Variants in COL8A1 observed in about 807,000 individuals in gnomAD.
COL8A1 encodes the protein collagen alpha-1(VIII) chain.
COL8A1 carries 21 observed loss-of-function variants against 42.7 expected under a neutral mutation model. The ratio of observed to expected loss-of-function variants is 0.49; its 90% CI spans 0.35 to 0.71. The LOEUF (loss-of-function observed/expected upper bound fraction) is 0.71. COL8A1 is among the 30% of genes least tolerant of loss of function. The pLI is 0.01. For missense variants in COL8A1, 788 were observed against 962.4 expected (o/e 0.82, Z 2.40); for synonymous variants, 367 against 369.1 (o/e 0.99, Z 0.06).
intron 1 of COL8A1, among the ~76,000 whole-genome samples, chr3:99,662,961 G>A (rs1938253795): frequency 6.6e-6 from 1 of 152,022 alleles, no homozygotes; most frequent in South Asian, 2.1e-4. Flanking sequence ...GCATTCTTTC[G>A]ACTTTCTCAA....
intron 1 of COL8A1, among the ~76,000 whole-genome samples, chr3:99,644,391 T>A (rs1414900736): frequency 1.3e-5 from 2 of 152,174 alleles, no homozygotes; most frequent in Non-Finnish European, 2.9e-5. Context: ...TGTTCTCTGC[T>A]AAAATAACAA....
intron 1 of COL8A1, chr3:99,691,822 C>A (rs1260357130): frequency 6.6e-6 from 1 of 151,196 alleles, no homozygotes; most frequent in Non-Finnish European, 1.5e-5. Flanking sequence ...AGGAACAGAA[C>A]CCAGATTTTG....
At chr3:99,777,349 A>G (rs929308856) in intron 2 of COL8A1, among the ~76,000 whole-genome samples, 1 of 152,206 alleles carries the variant, frequency 6.6e-6, no homozygotes, top group Non-Finnish European at 1.5e-5. Flanking sequence ...GACAGACACC[A>G]CATTTCCCAG....
rs1939504398 is a variant in COL8A1 at position 99,700,451 on chromosome 3, C to T, written c.-128-44446C>T. ...GCATAGAGACATGCACCCTCACGCT[C>T]TTCTGGCCCCACTTGGTACGTGAAG... On this transcript the variant is annotated intron_variant, in intron 1 of 3. Coordinates refer to ENST00000652472, the MANE Select transcript of COL8A1 (RefSeq NM_020351.4). Among the ~76,000 whole-genome samples the T allele has an allele frequency of 2.6e-5, 4 of 152,140 alleles. No individual in the cohort carries two copies. In the South Asian group the frequency reaches 8.3e-4, roughly 32 times the overall value.
chr3:99,649,787 TCA>T (rs151279535), intron 1 of COL8A1, among the ~76,000 whole-genome samples: 23 of 149,458 alleles, frequency 1.5e-4, no homozygotes, highest in Admixed American at 8.0e-4. Flanking sequence ...TCTCTCTCTG[TCA>T]CACACACACA....
chr3:99,656,903 G>T (rs934841984), intron 1 of COL8A1, among the ~76,000 whole-genome samples: 2 of 152,176 alleles, frequency 1.3e-5, no homozygotes, highest in Non-Finnish European at 2.9e-5. Flanking sequence ...GTCCACTTGG[G>T]CATGCCATCC....
At chr3:99,732,876 G>A (rs1940561771) in intron 1 of COL8A1, among the ~76,000 whole-genome samples, 1 of 152,086 alleles carries the variant, frequency 6.6e-6, no homozygotes, top group Non-Finnish European at 1.5e-5. Context: ...ATACAATGGG[G>A]GTACAGGTAT....
At chr3:99,647,903 T>C (rs1576411464) in intron 1 of COL8A1, among the ~76,000 whole-genome samples, 1 of 152,188 alleles carries the variant, frequency 6.6e-6, no homozygotes, top group African/African-American at 2.4e-5. Context: ...AGGACATTAC[T>C]CTGGGAATTA....
intron 1 of COL8A1, among the ~76,000 whole-genome samples, chr3:99,711,557 C>G (rs1939835944): frequency 6.6e-6 from 1 of 152,138 alleles, no homozygotes; most frequent in South Asian, 2.1e-4. Context: ...GAAAACGAAG[C>G]CAGTTCTCAC....
At chr3:99,765,877 GAA>G (rs1941455105) in intron 2 of COL8A1, among the ~76,000 whole-genome samples, 1 of 152,098 alleles carries the variant, frequency 6.6e-6, no homozygotes, top group Admixed American at 6.5e-5. Flanking sequence ...TCCAATTTCA[GAA>G]AAGTGTACTA....
At chr3:99,752,768 A>G (rs1576463384) in intron 2 of COL8A1, among the ~76,000 whole-genome samples, 1 of 150,950 alleles carries the variant, frequency 6.6e-6, no homozygotes, top group Non-Finnish European at 1.5e-5. Flanking sequence ...TCAATTTTGT[A>G]TCATCATAGA....
intron 1 of COL8A1, among the ~76,000 whole-genome samples, chr3:99,668,905 A>T (rs1253567860): frequency 6.6e-6 from 1 of 151,926 alleles, no homozygotes; most frequent in African/African-American, 2.4e-5. Flanking sequence ...ATAACACATT[A>T]CTTACAAACT....
At chr3:99,700,192 G>C (rs146416195) in intron 1 of COL8A1, among the ~76,000 whole-genome samples, 1 of 152,050 alleles carries the variant, frequency 6.6e-6, no homozygotes, top group African/African-American at 2.4e-5. Flanking sequence ...GTGGAAACTC[G>C]CTCATTTTTA....
intron 1 of COL8A1, among the ~76,000 whole-genome samples, chr3:99,687,142 C>A (rs540757289): frequency 1.3e-5 from 2 of 152,198 alleles, no homozygotes; most frequent in African/African-American, 2.4e-5. Context: ...CGGCATCCGG[C>A]CTGTAACTGT....
At position 99,748,468 on chromosome 3, in the gene COL8A1, TAAATA is replaced by T. The variant is rs554060060; in HGVS notation, c.-4+3451_-4+3455del. On this transcript the variant is annotated intron_variant, in intron 2 of 3. Transcript: ENST00000652472. ...AAATGATATTTTTAATATTTTGAGT[TAAATA>T]AAAGTAATAAGTATAAATATATTAA... Among the ~76,000 whole-genome samples the T allele has an allele frequency of 1.3e-3, 197 of 152,280 alleles. 1 individual carries two copies. The highest frequency in any genetic ancestry group is 9.1e-3 in the South Asian group (44 of 4,828).
At chr3:99,704,190 G>T (rs1939616925) in intron 1 of COL8A1, among the ~76,000 whole-genome samples, 1 of 151,974 alleles carries the variant, frequency 6.6e-6, no homozygotes. Context: ...AATACTTTAA[G>T]AATGATTTTT....
intron 1 of COL8A1, among the ~76,000 whole-genome samples, chr3:99,718,290 A>T (rs543682183): frequency 1.3e-5 from 2 of 152,122 alleles, no homozygotes; most frequent in East Asian, 3.9e-4. Flanking sequence ...TAGGCTTACC[A>T]AATTGTTGTG....
intron 1 of COL8A1, among the ~76,000 whole-genome samples, chr3:99,662,313 C>T (rs1407796306): frequency 6.7e-6 from 1 of 149,656 alleles, no homozygotes; most frequent in African/African-American, 2.5e-5. Context: ...ACCCAGGAGA[C>T]GGAGGTTGCC....
In COL8A1 at chr3:99,642,389, C is replaced by T. The variant is rs147959687; in HGVS notation, c.-129+3725C>T. 7.7e-3 allele frequency among the ~76,000 whole-genome samples: 1,173 copies of T among 152,252 alleles called. 17 individuals are homozygous for T. The highest frequency in any genetic ancestry group is 0.022 in the African/African-American group (933 of 41,550). On this transcript the variant is annotated intron_variant, in intron 1 of 3. Transcript: ENST00000652472. The stretch of plus-strand genomic sequence containing the variant: ...CAAATTCATGAAGCCATTGAAATTG[C>T]ATCAGATCAAACTGAAGTGAATAAA...
Sources: allele counts gnomAD v4.1 joint callset (sites outside exome capture counted in the v4.1 genomes callset), GRCh38; gene constraint gnomAD v4.1.1; transcripts MANE v1.5; gene names NCBI Gene and HGNC (gene_info 2026-07-23, HGNC 2026-07-21).